Variants in CRK observed in about 807,000 individuals in gnomAD.
The protein encoded by CRK is adapter molecule crk.
A neutral mutation model predicts 29.8 loss-of-function variants in CRK; 4 were observed. The ratio of observed to expected loss-of-function variants is 0.13; its 90% confidence interval spans 0.07 to 0.31. The LOEUF (loss-of-function observed/expected upper bound fraction) is 0.31, where lower values mean the gene tolerates loss of function less well. CRK is among the 10% of genes least tolerant of loss of function. The probability of loss-of-function intolerance (pLI) is 1.00; values close to 1 mark genes in which losing one functional copy is unlikely to be tolerated. For missense variants in CRK, 274 were observed against 396.5 expected (o/e 0.69, Z 2.62); for synonymous variants, 153 against 164.9 (o/e 0.93, Z 0.55).
Position 1,421,898 on chromosome 17 carries a change from CTG to C in CRK, c.*1613_*1614del, listed in dbSNP as rs1368838216. 6.6e-6 allele frequency: 1 copy of C among 152,130 alleles called. No individual in the cohort carries two copies. The highest frequency in any genetic ancestry group is 1.5e-5 in the Non-Finnish European group (1 of 68,034). 9.4% of individuals were successfully genotyped at this position (152,130 alleles called of 1,614,324 possible). A position where few individuals can be genotyped will look rare whatever the true frequency, so the allele number is the denominator to read the frequency against. Reference sequence around the variant, plus strand: ...AGAGACCGGTAAGTGCCTTTATAGACTGAGAACTAACGTGGAAGTTTCATGCT... The same window carrying C: ...AGAGACCGGTAAGTGCCTTTATAGACAGAACTAACGTGGAAGTTTCATGCT... On this transcript the variant is annotated 3_prime_UTR_variant, in exon 3 of 3. Coordinates refer to ENST00000300574, the MANE Select transcript of CRK (RefSeq NM_016823.4).
chr17:1,437,241 G>A, intron 1 of CRK, 86 bp from the exon 2 acceptor site: 7 of 1,396,206 alleles, frequency 5.0e-6, no homozygotes, highest in Non-Finnish European at 6.7e-6. Context: ...TTTTAGAGTT[G>A]GGATCTCACT....
At chr17:1,454,621 G>A (rs925297509) in intron 1 of CRK, among the ~76,000 whole-genome samples, 1 of 152,174 alleles carries the variant, frequency 6.6e-6, no homozygotes, top group Non-Finnish European at 1.5e-5. Context: ...TATTCTACAA[G>A]GGCAAGTCTA....
At chr17:1,440,194 G>A (rs953664969) in intron 1 of CRK, among the ~76,000 whole-genome samples, 1 of 151,944 alleles carries the variant, frequency 6.6e-6, no homozygotes, top group Non-Finnish European at 1.5e-5. Flanking sequence ...AGCTGCTAGG[G>A]AGGCTGAGGC....
intron 2 of CRK, among the ~76,000 whole-genome samples, chr17:1,433,980 G>A (rs537136560): frequency 2.0e-5 from 3 of 151,988 alleles, no homozygotes; most frequent in Non-Finnish European, 2.9e-5. Flanking sequence ...GATTACAGGC[G>A]TAAGTCACAG....
chr17:1,438,884 G>A (rs1292191063), intron 1 of CRK, among the ~76,000 whole-genome samples: 4 of 150,572 alleles, frequency 2.7e-5, no homozygotes, highest in African/African-American at 4.9e-5. Flanking sequence ...GCTGTGTCAC[G>A]CAGGCTGGAG....
intron 2 of CRK, among the ~76,000 whole-genome samples, chr17:1,431,273 G>A (rs1310022112): frequency 6.6e-6 from 1 of 152,142 alleles, no homozygotes; most frequent in Non-Finnish European, 1.5e-5. Flanking sequence ...CTGGCTGGAG[G>A]AGGGCAGAGG....
chr17:1,449,551 A>C (rs1401898005), intron 1 of CRK, among the ~76,000 whole-genome samples: 1 of 152,174 alleles, frequency 6.6e-6, no homozygotes, highest in Non-Finnish European at 1.5e-5. Flanking sequence ...CAATTTGCCC[A>C]AAGTTACACA....
At chr17:1,442,606 CTTTTT>C (rs33970272) in intron 1 of CRK, among the ~76,000 whole-genome samples, 137 of 121,116 alleles carry the variant, frequency 1.1e-3, no homozygotes, top group South Asian at 2.3e-3. Context: ...GTGAAAGGGT[CTTTTT>C]TTTTTTTTTT....
At chr17:1,430,845 A>T (rs529859435) in intron 2 of CRK, among the ~76,000 whole-genome samples, 1 of 151,228 alleles carries the variant, frequency 6.6e-6, no homozygotes, top group Non-Finnish European at 1.5e-5. Flanking sequence ...AGGTGGGTGG[A>T]TCACGAGGTC....
At position 1,456,230 on chromosome 17, in the gene CRK, A is replaced by C; in HGVS notation, c.-113T>G. ...GTTTCAGCTTCACAGCAGCGCCCGAAATGGCGGCGGCAGCCGCGGGCCTCC... is the reference window on the plus strand; with the variant it reads ...GTTTCAGCTTCACAGCAGCGCCCGACATGGCGGCGGCAGCCGCGGGCCTCC... On this transcript the variant is annotated 5_prime_UTR_variant, in exon 1 of 3. In the 5' UTR this introduces an upstream ATG that the reference lacks. Coordinates refer to ENST00000300574, the MANE Select transcript of CRK (RefSeq NM_016823.4). The C allele has an allele frequency of 1.6e-6, 2 of 1,269,696 alleles. No homozygotes were observed. Among genetic ancestry groups the C allele is most frequent in the East Asian group, 3.3e-5 (1 of 30,116 alleles). 78.7% of individuals were successfully genotyped at this position (1,269,696 alleles called of 1,614,324 possible). A position where few individuals can be genotyped will look rare whatever the true frequency, so the allele number is the denominator to read the frequency against.
chr17:1,448,208 C>T lies in CRK; in HGVS notation c.241+7669G>A, dbSNP rs1048431187. Among the ~76,000 whole-genome samples the T allele has an allele frequency of 3.3e-5, 5 of 152,020 alleles. No homozygotes were observed. In the East Asian group the frequency reaches 9.7e-4, roughly 29 times the overall value. ...TAAAGATGGTGGGTATGAGGACGGT[C>T]CTTTGCAGGTTTGGTGCATTGTGGC... On this transcript the variant is annotated intron_variant, in intron 1 of 2. Transcript: ENST00000300574.
chr17:1,446,652 C>A (rs373210290), intron 1 of CRK, among the ~76,000 whole-genome samples: 1 of 140,042 alleles, frequency 7.1e-6, no homozygotes, highest in Non-Finnish European at 1.5e-5. Context: ...ACTGCAGTGG[C>A]GCCATCTCGG....
chr17:1,433,030 C>T (rs1257257249), intron 2 of CRK, among the ~76,000 whole-genome samples: 1 of 152,120 alleles, frequency 6.6e-6, no homozygotes, highest in Non-Finnish European at 1.5e-5. Flanking sequence ...TCTTTGCTCC[C>T]AAGGAACGTA....
intron 2 of CRK, among the ~76,000 whole-genome samples, chr17:1,425,279 A>T (rs1399835290): frequency 1.3e-5 from 2 of 151,154 alleles, no homozygotes; most frequent in Admixed American, 6.6e-5. Flanking sequence ...TGTTTAGTAG[A>T]GATGGGGTTT....
chr17:1,439,823 A>C (rs1002817433), intron 1 of CRK, among the ~76,000 whole-genome samples: 18 of 152,102 alleles, frequency 1.2e-4, no homozygotes, highest in Admixed American at 1.0e-3. Context: ...AGCCTGGGCA[A>C]CAGAGCAAGA....
intron 1 of CRK, among the ~76,000 whole-genome samples, chr17:1,438,604 T>C (rs772336215): frequency 4.4e-4 from 66 of 151,406 alleles, no homozygotes; most frequent in Non-Finnish European, 8.4e-4. Flanking sequence ...AAACAGGTCA[T>C]TAAAAAAAAA....
intron 2 of CRK, among the ~76,000 whole-genome samples, chr17:1,427,876 G>A (rs989048944): frequency 6.6e-6 from 1 of 151,676 alleles, no homozygotes. Context: ...CTCATGACCC[G>A]CCCACCTCGG....
intron 1 of CRK, among the ~76,000 whole-genome samples, chr17:1,448,881 T>C (rs1236615334): frequency 2.0e-5 from 3 of 152,012 alleles, no homozygotes; most frequent in Non-Finnish European, 2.9e-5. Context: ...TTTTTTTCTC[T>C]ATTTTTAAAA....
intron 1 of CRK, 69 bp downstream of exon 1, chr17:1,455,808 C>T (rs1213533906): frequency 2.4e-5 from 34 of 1,414,152 alleles, no homozygotes; most frequent in Non-Finnish European, 3.1e-5. Context: ...TCTCGAGGAC[C>T]AGCCAGCCAG....
Sources: allele counts gnomAD v4.1 joint callset (sites outside exome capture counted in the v4.1 genomes callset), GRCh38; gene constraint gnomAD v4.1.1; transcripts MANE v1.5; gene names NCBI Gene and HGNC (gene_info 2026-07-23, HGNC 2026-07-21).